EDAR: variants seen among roughly 807,000 people sequenced by gnomAD.
The protein encoded by EDAR is tumor necrosis factor receptor superfamily member EDAR.
Under a neutral mutation model 51.3 loss-of-function variants are expected in EDAR, and 38 were observed. The observed-to-expected ratio is 0.74, with a 90% confidence interval of 0.57 to 0.97. The LOEUF (loss-of-function observed/expected upper bound fraction) is 0.97. EDAR is among the 50% of genes least tolerant of loss of function. EDAR has a pLI of 0.00. For missense variants in EDAR, 528 were observed against 595.0 expected (o/e 0.89, Z 1.17); for synonymous variants, 227 against 242.1 (o/e 0.94, Z 0.58).
chr2:108,906,828 C>A (rs1465761266), intron 10 of EDAR, among the ~76,000 whole-genome samples: 1 of 152,262 alleles, frequency 6.6e-6, no homozygotes. Context: ...TCCCTTGTAA[C>A]AACCCCACAG....
chr2:108,938,247 G>A (rs187249593), intron 1 of EDAR, among the ~76,000 whole-genome samples: 2 of 152,282 alleles, frequency 1.3e-5, no homozygotes, highest in East Asian at 3.9e-4. Flanking sequence ...AACCAGTGAC[G>A]ATGATAATTT....
chr2:108,957,205 C>G (rs1395010916), intron 1 of EDAR, among the ~76,000 whole-genome samples: 1 of 152,226 alleles, frequency 6.6e-6, no homozygotes, highest in Non-Finnish European at 1.5e-5. Context: ...AGTTCCAGCC[C>G]TCACACTGCA....
Position 108,984,270 on chromosome 2 carries a change from C to A in EDAR, c.-19+4690G>T, listed in dbSNP as rs139669100. On this transcript the variant is annotated intron_variant, in intron 1 of 11. Transcript: ENST00000258443. ...AGGAAGAGGCTACTTGGAGACCCAG[C>A]TCCTTAGAAGCAAATTACAGCAACC... is the stretch of plus-strand genomic sequence containing the variant. 4.1e-4 allele frequency among the ~76,000 whole-genome samples: 63 copies of A among 152,248 alleles called. 3 individuals are homozygous for A. In the East Asian group the frequency reaches 5.6e-3, roughly 14 times the overall value.
chr2:108,908,839 C>A (rs1696861061), intron 9 of EDAR, among the ~76,000 whole-genome samples: 3 of 152,126 alleles, frequency 2.0e-5, no homozygotes. Context: ...AGCAGTGAAG[C>A]CCATATGCAA....
At chr2:108,930,340 C>A (rs964300829) in intron 2 of EDAR, 98 bp from the exon 3 acceptor site, 2 of 1,432,552 alleles carry the variant, frequency 1.4e-6, no homozygotes, top group East Asian at 4.6e-5. Flanking sequence ...GGGTGCCCTG[C>A]GGTGGGGGCT....
chr2:108,981,073 G>A (rs923966361), intron 1 of EDAR, among the ~76,000 whole-genome samples: 5 of 152,274 alleles, frequency 3.3e-5, no homozygotes, highest in South Asian at 2.1e-4. Context: ...ATGTGCTCAC[G>A]GCCCGCTCTA....
chr2:108,910,880 G>A, intron 7 of EDAR, 30 bp from the exon 8 acceptor site: 5 of 1,614,102 alleles, frequency 3.1e-6, no homozygotes, highest in Non-Finnish European at 4.2e-6. Flanking sequence ...TGAGCAGCCA[G>A]GCTCTCCGAC....
chr2:108,930,557 C>A (rs1292898224), intron 2 of EDAR, among the ~76,000 whole-genome samples: 8 of 152,118 alleles, frequency 5.3e-5, no homozygotes, highest in African/African-American at 1.9e-4. Flanking sequence ...GGAGGAGGCG[C>A]CCCTGTCCCC....
At chr2:108,966,059 C>T (rs542671146) in intron 1 of EDAR, among the ~76,000 whole-genome samples, 6 of 152,242 alleles carry the variant, frequency 3.9e-5, no homozygotes, top group African/African-American at 9.6e-5. Context: ...TCAATATCAC[C>T]ATATCCTTGG....
chr2:108,907,649 C>CAA (rs11306434), intron 10 of EDAR, among the ~76,000 whole-genome samples: 1 of 144,046 alleles, frequency 6.9e-6, no homozygotes. Context: ...CTCTCATCTC[C>CAA]AAAAAAAAAA....
At chr2:108,987,390 C>T (rs187675166) in intron 1 of EDAR, among the ~76,000 whole-genome samples, 2 of 152,170 alleles carry the variant, frequency 1.3e-5, no homozygotes, top group Non-Finnish European at 2.9e-5. Context: ...TGTCTGCACT[C>T]CGGAGCAATG....
At chr2:108,984,695 T>A (rs1698469749) in intron 1 of EDAR, among the ~76,000 whole-genome samples, 1 of 152,140 alleles carries the variant, frequency 6.6e-6, no homozygotes, top group African/African-American at 2.4e-5. Context: ...TGTTTGTTTT[T>A]TTTTCATGGC....
At chr2:108,951,903 T>C (rs1364491431) in intron 1 of EDAR, among the ~76,000 whole-genome samples, 4 of 152,216 alleles carry the variant, frequency 2.6e-5, no homozygotes, top group African/African-American at 7.2e-5. Context: ...TTGAATGGTG[T>C]ACAATGATGA....
At chr2:108,939,884 G>C (rs1046448964) in intron 1 of EDAR, among the ~76,000 whole-genome samples, 1 of 152,200 alleles carries the variant, frequency 6.6e-6, no homozygotes, top group Non-Finnish European at 1.5e-5. Context: ...GACTCCACTA[G>C]AGAACAGAAA....
At chr2:108,939,589 GGGA>G (rs150485534) in intron 1 of EDAR, among the ~76,000 whole-genome samples, 102,733 of 151,760 alleles carry the variant, frequency 0.68, 37,409 homozygotes, top group Non-Finnish European at 0.82. Context: ...GGTGAGGGCT[GGGA>G]GGAGGAGAAC....
chr2:108,965,397 C>T (rs1302986296), intron 1 of EDAR, among the ~76,000 whole-genome samples: 1 of 149,708 alleles, frequency 6.7e-6, no homozygotes, highest in Non-Finnish European at 1.5e-5. Context: ...AGGAGAATGG[C>T]ATGAACCCGG....
chr2:108,960,403 C>T (rs1472802882), intron 1 of EDAR, among the ~76,000 whole-genome samples: 4 of 152,146 alleles, frequency 2.6e-5, no homozygotes, highest in African/African-American at 9.7e-5. Context: ...TCTATGGGTT[C>T]ACCTGTGGTG....
At chr2:108,908,926 A>C (rs1696862319) in intron 9 of EDAR, among the ~76,000 whole-genome samples, 1 of 152,116 alleles carries the variant, frequency 6.6e-6, no homozygotes, top group South Asian at 2.1e-4. Context: ...CTTCCTCATC[A>C]GGCTTCAGGG....
At position 108,938,458 on chromosome 2, in the gene EDAR, C is replaced by T. The variant is rs532820277; in HGVS notation, c.-18-7426G>A. Among the ~76,000 whole-genome samples the T allele has an allele frequency of 5.9e-5, 9 of 152,258 alleles. No homozygotes were observed. In the South Asian group the frequency reaches 6.2e-4, roughly 11 times the overall value. On this transcript the variant is annotated intron_variant, in intron 1 of 11. Coordinates refer to ENST00000258443, the MANE Select transcript of EDAR (RefSeq NM_022336.4). ...TGCATTTCCCGCAGTTTGTGGTGCT[C>T]GGGTGCTCTGCACTCTTGGAGGATT... is the stretch of plus-strand genomic sequence containing the variant.
Sources: allele counts gnomAD v4.1 joint callset (sites outside exome capture counted in the v4.1 genomes callset), GRCh38; gene constraint gnomAD v4.1.1; transcripts MANE v1.5; gene names NCBI Gene and HGNC (gene_info 2026-07-23, HGNC 2026-07-21).